Variants in PRKG1 observed in about 807,000 individuals in gnomAD.
PRKG1 encodes the protein protein kinase cGMP-dependent 1, also known as cGMP-dependent protein kinase 1.
PRKG1 carries 35 observed loss-of-function variants against 88.1 expected under a neutral mutation model. The ratio of observed to expected loss-of-function variants is 0.40; its 90% confidence interval spans 0.30 to 0.53. The LOEUF is 0.53. Among genes scored for constraint, PRKG1 ranks in the 20% least tolerant of loss-of-function variants. The pLI is 0.59. For missense variants in PRKG1, 540 were observed against 839.8 expected (o/e 0.64, Z 4.41); for synonymous variants, 303 against 292.5 (o/e 1.04, Z -0.37).
intron 3 of PRKG1, among the ~76,000 whole-genome samples, chr10:51,652,720 A>G (rs1840070030): frequency 6.6e-6 from 1 of 152,228 alleles, no homozygotes; most frequent in Admixed American, 6.5e-5. Flanking sequence ...TATCTATCAT[A>G]TCTTTTTGTG....
Position 51,908,733 on chromosome 10 carries a change from A to ATATATATATATAT in PRKG1, c.762+1163_762+1164insTATATATATATAT, listed in dbSNP as rs60587885. On this transcript the variant is annotated intron_variant, in intron 5 of 17. Coordinates refer to ENST00000373980, the MANE Select transcript of PRKG1 (RefSeq NM_006258.4). ...TCTCTCTGTCTATCTATCTATATGT[A>ATATATATATATAT]ATTTTTTTTTTTTTGAGACAGTGTC... 7.1e-4 allele frequency: 93 copies of ATATATATATATAT among 131,582 alleles called. 5 individuals are homozygous for ATATATATATATAT. The East Asian group carries it at 9.2e-3, about 13-fold the overall frequency. The allele number at this position is 131,582 out of a possible 1,614,324, so 8.2% of individuals were successfully genotyped here.
intron 1 of PRKG1, among the ~76,000 whole-genome samples, chr10:51,110,147 TA>T (rs1182006809): frequency 6.6e-6 from 1 of 152,160 alleles, no homozygotes; most frequent in East Asian, 1.9e-4. Flanking sequence ...TTTCTTTTTT[TA>T]AAAAAACTGT....
At chr10:52,012,264 C>CTTT in intron 5 of PRKG1, among the ~76,000 whole-genome samples, 1 of 127,828 alleles carries the variant, frequency 7.8e-6, no homozygotes. Flanking sequence ...TTTTTTGAGA[C>CTTT]AGGGTCTGAC....
chr10:51,015,388 T>G (rs1843045215), intron 1 of PRKG1, among the ~76,000 whole-genome samples: 1 of 152,236 alleles, frequency 6.6e-6, no homozygotes, highest in African/African-American at 2.4e-5. Context: ...TTACACTATT[T>G]TTTCCAATTA....
chr10:51,816,951 C>T (rs545052575), intron 4 of PRKG1, among the ~76,000 whole-genome samples: 34 of 152,138 alleles, frequency 2.2e-4, no homozygotes, highest in African/African-American at 7.7e-4. Context: ...GATGGATTTA[C>T]TTGTTTTATT....
intron 7 of PRKG1, among the ~76,000 whole-genome samples, chr10:52,107,748 C>T (rs1028599351): frequency 6.6e-6 from 1 of 152,140 alleles, no homozygotes; most frequent in African/African-American, 2.4e-5. Context: ...TGTCTATGGG[C>T]CATGGATTTT....
intron 3 of PRKG1, among the ~76,000 whole-genome samples, chr10:51,505,188 T>C (rs1357642432): frequency 6.6e-6 from 1 of 152,178 alleles, no homozygotes; most frequent in African/African-American, 2.4e-5. Flanking sequence ...TGAAGGGTTG[T>C]TGAATTTTGT....
chr10:51,593,164 T>G (rs1190933879), intron 3 of PRKG1, among the ~76,000 whole-genome samples: 1 of 152,340 alleles, frequency 6.6e-6, no homozygotes, highest in South Asian at 2.1e-4. Flanking sequence ...TAAATTAGTT[T>G]ATTCTATTTT....
chr10:52,012,144 G>A (rs1037101977), intron 5 of PRKG1, among the ~76,000 whole-genome samples: 17 of 152,004 alleles, frequency 1.1e-4, no homozygotes, highest in African/African-American at 3.1e-4. Flanking sequence ...GTCTAGTTTA[G>A]TGATATTCTA....
intron 3 of PRKG1, among the ~76,000 whole-genome samples, chr10:51,683,455 A>G (rs555944032): frequency 6.6e-6 from 1 of 152,368 alleles, no homozygotes; most frequent in East Asian, 1.9e-4. Flanking sequence ...CCCAATGCAC[A>G]TAGAGGTCAT....
chr10:51,207,110 C>T (rs113054713), intron 2 of PRKG1, among the ~76,000 whole-genome samples: 3,069 of 152,074 alleles, frequency 0.02, 47 homozygotes, highest in Middle Eastern at 0.051. Flanking sequence ...TTTCAATTGC[C>T]AGAGAGCCTG....
chr10:52,203,321 G>A (rs1261211856), intron 9 of PRKG1, among the ~76,000 whole-genome samples: 2 of 152,132 alleles, frequency 1.3e-5, no homozygotes, highest in Non-Finnish European at 2.9e-5. Flanking sequence ...TAATTGTATG[G>A]TTTTAAGTGA....
intron 2 of PRKG1, among the ~76,000 whole-genome samples, chr10:51,242,108 A>T (rs572485698): frequency 6.6e-6 from 1 of 152,258 alleles, no homozygotes; most frequent in East Asian, 1.9e-4. Flanking sequence ...AAGGCAAGGG[A>T]AGTCGTCCTA....
chr10:51,668,878 AT>A (rs1482032167), intron 3 of PRKG1, among the ~76,000 whole-genome samples: 1 of 152,154 alleles, frequency 6.6e-6, no homozygotes, highest in African/African-American at 2.4e-5. Flanking sequence ...TTTAAATTTT[AT>A]TGTTTCTAAA....
At chr10:51,789,835 T>G (rs1838820739) in intron 3 of PRKG1, among the ~76,000 whole-genome samples, 4 of 152,128 alleles carry the variant, frequency 2.6e-5, no homozygotes, top group Admixed American at 2.6e-4. Context: ...TCTCTCTTTT[T>G]TTTTTAGATG....
intron 5 of PRKG1, among the ~76,000 whole-genome samples, chr10:51,939,012 T>C (rs10823905): frequency 0.1 from 15,707 of 152,000 alleles, 1,175 homozygotes; most frequent in East Asian, 0.3. Flanking sequence ...AGTGTATGAG[T>C]ATGTACACTT....
intron 7 of PRKG1, 71 bp from the exon 8 acceptor site, chr10:52,133,769 A>G: frequency 7.7e-7 from 1 of 1,303,368 alleles, no homozygotes; most frequent in Non-Finnish European, 1.1e-6. Context: ...TTTTTCCTGA[A>G]TTAATCACAA....
At chr10:52,140,063 G>C (rs949343574) in intron 8 of PRKG1, among the ~76,000 whole-genome samples, 1 of 152,148 alleles carries the variant, frequency 6.6e-6, no homozygotes, top group African/African-American at 2.4e-5. Flanking sequence ...ATGTCAAGAA[G>C]TATTATTCAG....
intron 1 of PRKG1, among the ~76,000 whole-genome samples, chr10:51,116,006 G>C (rs1045259568): frequency 6.6e-6 from 1 of 152,158 alleles, no homozygotes; most frequent in Non-Finnish European, 1.5e-5. Context: ...GCGAAGGAGA[G>C]AGCTTCACTG....
Sources: gnomAD v4.1 joint callset for allele counts (sites outside exome capture counted in the v4.1 genomes callset) on GRCh38, gnomAD v4.1.1 for gene constraint, MANE v1.5 for transcripts, NCBI Gene and HGNC (gene_info 2026-07-23, HGNC 2026-07-21) for gene names.